The following LOX variants were observed in gnomAD, a reference collection of about 807,000 sequenced individuals.
LOX encodes protein-lysine 6-oxidase.
Under a neutral mutation model 50.5 loss-of-function variants are expected in LOX, and 12 were observed. The observed-to-expected ratio is 0.24, with a 90% CI of 0.15 to 0.38. The LOEUF is 0.38. LOX is among the 10% of genes least tolerant of loss of function. The pLI, the probability that LOX is intolerant of heterozygous loss-of-function variation, is 1.00. For synonymous variants in LOX, 254 were observed against 230.6 expected (o/e 1.10, Z -0.92); for missense variants, 504 against 563.8 (o/e 0.89, Z 1.07).
chr5:122,076,792 C>T (rs1754649662), intron 2 of LOX, 101 bp downstream of exon 2: 1 of 1,007,048 alleles, frequency 9.9e-7, no homozygotes. Context: ...GTCCCACTTC[C>T]TAACACTTGT....
At position 122,077,421 on chromosome 5, in the gene LOX, T is replaced by A; in HGVS notation, c.565A>T (p.Thr189Ser). 1 of 1,614,048 alleles carries A rather than the reference T, an allele frequency of 6.2e-7. No homozygotes were observed. Among genetic ancestry groups the A allele is most frequent in the South Asian group, 1.1e-5 (1 of 91,088 alleles). ...DDNPYYNYYD[T>S]YERPRPGGRY... ...CCCCCAGGTCTGGGCCTTTCATAAG[T>A]ATCGTAGTAGTTGTAATAAGGGTTG... The change falls in exon 1 of 7, where the codon ACT (threonine) becomes TCT (serine). Residue 189 changes from threonine to serine, a missense_variant. Transcript: ENST00000231004. This position sits in a 1 kb window ranked among gnomAD's most constrained non-coding sequence, Gnocchi z 4.9.
In LOX at chr5:122,066,620, A is replaced by G. The variant is rs1754306085; in HGVS notation, c.*123T>C. 2 of 795,620 alleles carry G rather than the reference A, an allele frequency of 2.5e-6. No homozygotes were observed. The highest frequency in any genetic ancestry group is 4.1e-6 in the Non-Finnish European group (2 of 482,712). The allele number at this position is 795,620 out of a possible 1,614,324, so 49.3% of individuals were successfully genotyped here. On this transcript the variant is annotated 3_prime_UTR_variant, in exon 7 of 7. Coordinates refer to ENST00000231004, the MANE Select transcript of LOX (RefSeq NM_002317.7). ...TTGTTATTGAAAACAGTCCAAACAA[A>G]AATTCTTTTGTTGTTTTCTGTTCTC...
At chr5:122,072,622 A>G (rs1312199840) in intron 4 of LOX, among the ~76,000 whole-genome samples, 1 of 152,186 alleles carries the variant, frequency 6.6e-6, no homozygotes, top group African/African-American at 2.4e-5. Context: ...TTGAGAGACT[A>G]TTTTTTCCTT....
In LOX at chr5:122,077,634, TG is replaced by T. The variant is rs1274931972; in HGVS notation, c.351del (p.Arg118GlyfsTer119). On this transcript the variant is annotated frameshift_variant, in exon 1 of 7. Coordinates refer to ENST00000231004, the MANE Select transcript of LOX (RefSeq NM_002317.7). LOFTEE classifies it high-confidence loss of function. This position sits in a 1 kb window ranked among gnomAD's most constrained non-coding sequence, Gnocchi z 4.9. ...TGGAACCAGTGACGGGCGGTGGGCC[TG>T]GGGCGGCCAGCGGTGACTCCAGATG... ...AGSSGVTAGR[P>X]RPTARHWFQA... 6.2e-7 allele frequency: 1 copy of T among 1,610,978 alleles called. No homozygotes were observed.
chr5:122,065,019 T>C lies in LOX; in HGVS notation c.*1724A>G, dbSNP rs1754262791. 1 of 152,074 alleles carries C rather than the reference T, an allele frequency of 6.6e-6. No homozygotes were observed. Among genetic ancestry groups the C allele is most frequent in the African/African-American group, 2.4e-5 (1 of 41,420 alleles). 9.4% of individuals were successfully genotyped at this position (152,074 alleles called of 1,614,324 possible). On this transcript the variant is annotated 3_prime_UTR_variant, in exon 7 of 7. Transcript: ENST00000231004. ...AAAAGATTACAATTTGAAAGGATCATTCTACAATCTTAGAACTAAAAAGCA... is the reference window on the plus strand; with the variant it reads ...AAAAGATTACAATTTGAAAGGATCACTCTACAATCTTAGAACTAAAAAGCA...
chr5:122,070,472 A>T, intron 5 of LOX, 22 bp downstream of exon 5: 4 of 1,300,202 alleles, frequency 3.1e-6, no homozygotes, highest in Non-Finnish European at 4.4e-6. Flanking sequence ...TCAATATATG[A>T]TATATTTTCA....
At position 122,078,103 on chromosome 5, in the gene LOX, G is replaced by A. The variant is rs1754696991; in HGVS notation, c.-118C>T. 8.4e-6 allele frequency: 8 copies of A among 950,422 alleles called. No individual in the cohort carries two copies. The highest frequency in any genetic ancestry group is 3.2e-5 in the East Asian group (1 of 31,132). 58.9% of individuals were successfully genotyped at this position (950,422 alleles called of 1,614,324 possible). A position where few individuals can be genotyped will look rare whatever the true frequency, so the allele number is the denominator to read the frequency against. On this transcript the variant is annotated 5_prime_UTR_variant, in exon 1 of 7. Coordinates refer to ENST00000231004, the MANE Select transcript of LOX (RefSeq NM_002317.7). ...TCAACCAAGGAGGCGAGCGGAGCAC[G>A]GGTATCTCAGTCTCCACCAAGCAAT...
chr5:122,073,674 G>C (rs1754523552), intron 4 of LOX, among the ~76,000 whole-genome samples: 1 of 152,120 alleles, frequency 6.6e-6, no homozygotes, highest in Non-Finnish European at 1.5e-5. Flanking sequence ...CTGTAACAAG[G>C]ACCCACACTG....
chr5:122,073,867 T>C (rs1038598847), intron 4 of LOX, 146 bp downstream of exon 4: 2 of 695,766 alleles, frequency 2.9e-6, no homozygotes, highest in Non-Finnish European at 4.9e-6. Context: ...GGGTATATCA[T>C]CTACAGTTTT....
At chr5:122,076,793 T>C in intron 2 of LOX, 100 bp downstream of exon 2, 1 of 1,019,276 alleles carries the variant, frequency 9.8e-7, no homozygotes, top group South Asian at 1.4e-5. Context: ...TCCCACTTCC[T>C]AACACTTGTC....
chr5:122,070,502 T>C lies in LOX; in HGVS notation c.1123A>G (p.Ile375Val). The change falls in exon 5 of 7, where the codon ATC (isoleucine) becomes GTC (valine). Residue 375 changes from isoleucine (I) to valine (V), a missense_variant. By Grantham distance (29) the Ile-to-Val change is conservative. Around this residue, in one of 2 missense-constraint regions of LOX, gnomAD observed 106 missense variants for 198.1 expected, o/e 0.54. Transcript: ENST00000231004. ...DITDVKPGNY[I>V]LKVSVNPSYL... ...TTTTCAAAGGTCTTTACCTTTAGGA[T>C]ATAGTTTCCAGGTTTTACATCTGTA... is the stretch of plus-strand genomic sequence containing the variant. 6.3e-7 allele frequency: 1 copy of C among 1,583,004 alleles called. No homozygotes were observed.
intron 4 of LOX, 31 bp downstream of exon 4, chr5:122,073,982 T>C (rs1392465270): frequency 6.3e-7 from 1 of 1,597,960 alleles, no homozygotes; most frequent in Middle Eastern, 1.9e-4. Context: ...CTCTGAGGCT[T>C]GAGGTTCTGG....
rs1754694253 is a variant in LOX at position 122,078,004 on chromosome 5, G to C, written c.-19C>G. 6.9e-7 allele frequency: 1 copy of C among 1,440,794 alleles called. No homozygotes were observed. 89.3% of individuals were successfully genotyped at this position (1,440,794 alleles called of 1,614,324 possible). A position where few individuals can be genotyped will look rare whatever the true frequency, so the allele number is the denominator to read the frequency against. ...AGCGCATCACTCCTTTTGCCAGATT[G>C]ACCCCGCTCGAGGAGGACGTGGCTC... On this transcript the variant is annotated 5_prime_UTR_variant, in exon 1 of 7. Transcript: ENST00000231004.
chr5:122,077,165 A>G lies in LOX; in HGVS notation c.632-164T>C, dbSNP rs1482838689. On this transcript the variant is annotated intron_variant, in intron 1 of 6. Coordinates refer to ENST00000231004, the MANE Select transcript of LOX (RefSeq NM_002317.7). This position sits in a 1 kb window ranked among gnomAD's most constrained non-coding sequence, Gnocchi z 4.9. ...TGGGGACGCCCGGGACTGCAAAGCA[A>G]TGTGAAAAGGAAGCAGGAGGGGCCA... 8 of 1,465,034 alleles carry G rather than the reference A, an allele frequency of 5.5e-6. No homozygotes were observed. Among genetic ancestry groups the G allele is most frequent in the Non-Finnish European group, 7.2e-6 (8 of 1,114,158 alleles). The allele number at this position is 1,465,034 out of a possible 1,614,324, so 90.8% of individuals were successfully genotyped here.
At chr5:122,066,803 G>A in intron 6 of LOX, 54 bp from the exon 7 acceptor site, 1 of 1,082,800 alleles carries the variant, frequency 9.2e-7, no homozygotes, top group Non-Finnish European at 1.4e-6. Flanking sequence ...TATAATGAAT[G>A]AGTACAACAG....
At chr5:122,069,468 T>C (rs1189691713) in intron 6 of LOX, among the ~76,000 whole-genome samples, 2 of 152,124 alleles carry the variant, frequency 1.3e-5, no homozygotes, top group African/African-American at 2.4e-5. Flanking sequence ...TGAATAGATA[T>C]CTTCCAGTAT....
intron 6 of LOX, among the ~76,000 whole-genome samples, chr5:122,069,164 G>C (rs1279805488): frequency 6.6e-6 from 1 of 152,110 alleles, no homozygotes; most frequent in Non-Finnish European, 1.5e-5. Context: ...GTATCAGGCA[G>C]AAATTTCTAT....
chr5:122,075,742 C>T (rs889080039), intron 2 of LOX, among the ~76,000 whole-genome samples: 1 of 152,066 alleles, frequency 6.6e-6, no homozygotes, highest in Non-Finnish European at 1.5e-5. Flanking sequence ...GTAGTCAGAG[C>T]TCAATGAATA....
At chr5:122,071,225 A>C (rs1255464558) in intron 4 of LOX, among the ~76,000 whole-genome samples, 4 of 151,380 alleles carry the variant, frequency 2.6e-5, no homozygotes. Flanking sequence ...GTGTGTATAA[A>C]AATTCAATTT....
Sources: allele counts gnomAD v4.1 joint callset (sites outside exome capture counted in the v4.1 genomes callset), GRCh38; gene constraint gnomAD v4.1.1; regional missense constraint gnomAD v4.1.1; non-coding constraint Gnocchi (gnomAD v3.1); transcripts MANE v1.5; gene names NCBI Gene and HGNC (gene_info 2026-07-23, HGNC 2026-07-21).